Variants in SUCLG2 observed in about 807,000 individuals in gnomAD.
SUCLG2 encodes succinate-CoA ligase GDP-forming subunit beta, also known as succinate--CoA ligase [GDP-forming] subunit beta, mitochondrial.
Under a neutral mutation model 47.9 loss-of-function variants are expected in SUCLG2, and 42 were observed. That is an observed-to-expected ratio of 0.88 (90% CI 0.69 to 1.14). SUCLG2 has a LOEUF of 1.14. SUCLG2 is among the 50% of genes most tolerant of loss of function. The pLI, the probability that SUCLG2 is intolerant of heterozygous loss-of-function variation, is 0.00. For synonymous variants in SUCLG2, 195 were observed against 197.3 expected (o/e 0.99, Z 0.10); for missense variants, 571 against 525.9 (o/e 1.09, Z -0.84).
chr3:67,486,119 G>A (rs756157952), intron 9 of SUCLG2, among the ~76,000 whole-genome samples: 24 of 152,218 alleles, frequency 1.6e-4, no homozygotes, highest in Middle Eastern at 3.4e-3. Flanking sequence ...AATTCAATTA[G>A]CCAGGTGCAG....
intron 2 of SUCLG2, among the ~76,000 whole-genome samples, chr3:67,582,310 T>C (rs10049062): frequency 0.011 from 1,689 of 152,254 alleles, 23 homozygotes; most frequent in African/African-American, 0.038. Context: ...TGTTCTCTTC[T>C]TTGTGTCCAT....
intron 1 of SUCLG2, among the ~76,000 whole-genome samples, chr3:67,618,351 G>A (rs188398829): frequency 9.9e-5 from 15 of 152,190 alleles, no homozygotes; most frequent in Middle Eastern, 3.4e-3. Context: ...CCCCAGAGGC[G>A]GAGGTTGCAG....
intron 2 of SUCLG2, among the ~76,000 whole-genome samples, chr3:67,556,638 T>A (rs183768608): frequency 8.1e-4 from 123 of 152,324 alleles, no homozygotes; most frequent in African/African-American, 2.9e-3. Context: ...CTTGGCTTTG[T>A]TCAGCTCTAA....
Position 67,563,775 on chromosome 3 carries a change from C to T in SUCLG2, c.227-34589G>A, listed in dbSNP as rs1042072861. On this transcript the variant is annotated intron_variant, in intron 2 of 10. Transcript: ENST00000307227. Reference sequence around the variant, plus strand: ...GAGATCGAGACCATCCTGGTTAACACGGTGAAACCCCGTCTTTACTAAAAA... The same window carrying T: ...GAGATCGAGACCATCCTGGTTAACATGGTGAAACCCCGTCTTTACTAAAAA... 7.9e-5 allele frequency among the ~76,000 whole-genome samples: 12 copies of T among 151,800 alleles called. 1 individual carries two copies. The highest frequency in any genetic ancestry group is 4.2e-4 in the South Asian group (2 of 4,808).
intron 2 of SUCLG2, among the ~76,000 whole-genome samples, chr3:67,592,737 C>CAA (rs1364129471): frequency 1.7e-4 from 6 of 35,258 alleles, no homozygotes; most frequent in African/African-American, 4.7e-4. Context: ...AAAAAAAAAA[C>CAA]AACAAAAAAA....
intron 4 of SUCLG2, among the ~76,000 whole-genome samples, chr3:67,526,489 G>T (rs1007139445): frequency 9.2e-5 from 14 of 152,148 alleles, no homozygotes; most frequent in African/African-American, 3.1e-4. Flanking sequence ...AACCACAATG[G>T]GGATTAAATT....
intron 1 of SUCLG2, among the ~76,000 whole-genome samples, chr3:67,634,496 T>A (rs866792190): frequency 1.3e-5 from 2 of 152,236 alleles, no homozygotes; most frequent in Non-Finnish European, 2.9e-5. Context: ...AGTTATCTTA[T>A]AAAGTTTATT....
At chr3:67,403,081 T>C (rs577798566) in intron 9 of SUCLG2, among the ~76,000 whole-genome samples, 24 of 152,182 alleles carry the variant, frequency 1.6e-4, no homozygotes, top group Non-Finnish European at 2.5e-4. Context: ...TAGTATCTCG[T>C]GTTTAATTAG....
intron 9 of SUCLG2, among the ~76,000 whole-genome samples, chr3:67,448,842 C>A (rs530684808): frequency 8.6e-5 from 13 of 150,618 alleles, no homozygotes; most frequent in Admixed American, 7.9e-4. Flanking sequence ...TTTTTCTTTT[C>A]TTTTAGTGGG....
At chr3:67,571,412 G>C (rs1483520607) in intron 2 of SUCLG2, among the ~76,000 whole-genome samples, 2 of 152,246 alleles carry the variant, frequency 1.3e-5, no homozygotes, top group African/African-American at 2.4e-5. Flanking sequence ...ATGAACCCCA[G>C]GTCTGAGACA....
intron 1 of SUCLG2, among the ~76,000 whole-genome samples, chr3:67,627,471 T>C (rs1179373176): frequency 6.6e-6 from 1 of 152,200 alleles, no homozygotes; most frequent in African/African-American, 2.4e-5. Flanking sequence ...AAAAGAAAGA[T>C]GAAGAGGACC....
chr3:67,426,131 C>T (rs910639182), intron 9 of SUCLG2, among the ~76,000 whole-genome samples: 5 of 152,012 alleles, frequency 3.3e-5, no homozygotes, highest in Non-Finnish European at 7.4e-5. Context: ...ACAAGATTGC[C>T]AAGCTTTAGT....
intron 8 of SUCLG2, 104 bp downstream of exon 8, chr3:67,498,030 A>T: frequency 8.0e-7 from 1 of 1,250,166 alleles, no homozygotes; most frequent in African/African-American, 1.5e-5. Context: ...CTACAAAAAA[A>T]CTTATGTGCT....
intron 1 of SUCLG2, among the ~76,000 whole-genome samples, chr3:67,617,608 A>C (rs1423263806): frequency 6.6e-6 from 1 of 152,156 alleles, no homozygotes; most frequent in African/African-American, 2.4e-5. Context: ...ACTGTAAGAA[A>C]ATGAATTAAC....
At chr3:67,642,399 G>A (rs140313198) in intron 1 of SUCLG2, among the ~76,000 whole-genome samples, 3 of 152,140 alleles carry the variant, frequency 2.0e-5, no homozygotes, top group East Asian at 3.9e-4. Context: ...GAGGCCACAA[G>A]TTGGAGACCA....
chr3:67,430,343 A>G (rs12152456), intron 9 of SUCLG2, among the ~76,000 whole-genome samples: 44,736 of 152,028 alleles, frequency 0.29, 7,551 homozygotes, highest in Admixed American at 0.39. Flanking sequence ...CCTGCTCCTG[A>G]GTGGCTACTG....
intron 6 of SUCLG2, chr3:67,514,096 G>A: frequency 6.0e-6 from 2 of 331,262 alleles, no homozygotes; most frequent in Admixed American, 3.8e-5. Context: ...TCAGTACAAC[G>A]ACCCTAACTG....
intron 10 of SUCLG2, among the ~76,000 whole-genome samples, chr3:67,364,514 G>C (rs1473124565): frequency 6.6e-6 from 1 of 151,720 alleles, no homozygotes; most frequent in Non-Finnish European, 1.5e-5. Flanking sequence ...GGCATTCCTT[G>C]CTCTCCAAGC....
chr3:67,579,496 C>T (rs545898060), intron 2 of SUCLG2, among the ~76,000 whole-genome samples: 8 of 152,236 alleles, frequency 5.3e-5, no homozygotes, highest in Middle Eastern at 3.4e-3. Flanking sequence ...ACTCAGACTA[C>T]GTGCAATATA....
Sources: allele counts gnomAD v4.1 joint callset (sites outside exome capture counted in the v4.1 genomes callset), GRCh38; gene constraint gnomAD v4.1.1; transcripts MANE v1.5; gene names NCBI Gene and HGNC (gene_info 2026-07-23, HGNC 2026-07-21).